The following LIPA variants were observed in gnomAD, a reference collection of about 807,000 sequenced individuals.
The protein encoded by LIPA is lysosomal acid lipase/cholesteryl ester hydrolase.
In LIPA, 26 loss-of-function variants were observed where a neutral mutation model predicts 40.6. That is an observed-to-expected ratio of 0.64 (90% CI 0.47 to 0.89). The LOEUF is 0.89. Among genes scored for constraint, LIPA ranks in the 40% least tolerant of loss-of-function variants. LIPA has a pLI of 0.00. For synonymous variants in LIPA, 188 were observed against 168.4 expected, an observed-to-expected ratio of 1.12 and a Z score of -0.90; for missense variants, 455 against 479.6, an observed-to-expected ratio of 0.95 and a Z score of 0.48.
rs376108562 is a variant in LIPA, at chr10:89,306,078, G to A, written c.-2+36533C>T. ...GATTTTGAAGACAAAGTATTTTACCGGACTGAGTTTCAGAATCGTGAATTC... is the reference window on the plus strand; with the variant it reads ...GATTTTGAAGACAAAGTATTTTACCAGACTGAGTTTCAGAATCGTGAATTC... On this transcript the variant is annotated intron_variant, in intron 1 of 5. Coordinates refer to the LIPA transcript ENST00000282673. 3.7e-5 allele frequency: 59 copies of A among 1,613,968 alleles called. No homozygotes were observed. The highest frequency in any genetic ancestry group is 1.3e-4 in the South Asian group (12 of 91,090).
At chr10:89,315,919 T>A (rs1843539056) in intron 1 of LIPA, among the ~76,000 whole-genome samples, 1 of 150,502 alleles carries the variant, frequency 6.6e-6, no homozygotes, top group South Asian at 2.1e-4. Context: ...AAAACTACTA[T>A]TTTTTTTTAT....
intron 3 of LIPA, among the ~76,000 whole-genome samples, chr10:89,238,529 T>G (rs1378793785): frequency 6.6e-6 from 1 of 152,140 alleles, no homozygotes; most frequent in African/African-American, 2.4e-5. Flanking sequence ...TTCATAAAGT[T>G]ACCCTGAATG....
chr10:89,258,474 A>C (rs1206856056), intron 1 of LIPA, among the ~76,000 whole-genome samples: 2 of 152,222 alleles, frequency 1.3e-5, no homozygotes, highest in East Asian at 3.8e-4. Context: ...TCTAAAAAAA[A>C]GACGTTTTAT....
intron 1 of LIPA, among the ~76,000 whole-genome samples, chr10:89,281,381 CTTG>C (rs1187508623): frequency 3.3e-5 from 5 of 152,156 alleles, no homozygotes; most frequent in African/African-American, 7.2e-5. Flanking sequence ...CAAATCCACA[CTTG>C]TTGTATTCAG....
chr10:89,352,045 C>A (rs1843962039), intron 2 of LIPA, among the ~76,000 whole-genome samples: 1 of 152,186 alleles, frequency 6.6e-6, no homozygotes, highest in Non-Finnish European at 1.5e-5. Context: ...AAGTCAGACA[C>A]ACCCCTTCCT....
At position 89,220,309 on chromosome 10, in the gene LIPA, A is replaced by C. The variant is rs7077817; in HGVS notation, c.894+2202T>G. The stretch of plus-strand genomic sequence containing the variant: ...CCTCCAGCCAGCTCAGTCACCCTCC[A>C]TCATCTCTGGGGGTGCAATAACTGA... On this transcript the variant is annotated intron_variant, in intron 8 of 9. Transcript: ENST00000336233. Among the ~76,000 whole-genome samples the C allele has an allele frequency of 3.9e-5, 6 of 152,008 alleles. No individual in the cohort carries two copies. In the South Asian group the frequency reaches 6.2e-4, roughly 16 times the overall value.
intron 5 of LIPA, among the ~76,000 whole-genome samples, chr10:89,226,473 A>C (rs925227458): frequency 6.6e-6 from 1 of 152,244 alleles, no homozygotes; most frequent in African/African-American, 2.4e-5. Flanking sequence ...TGCATTACTT[A>C]TATAATCAGC....
chr10:89,352,791 A>T (rs901646106), intron 2 of LIPA, among the ~76,000 whole-genome samples: 1 of 79,258 alleles, frequency 1.3e-5, no homozygotes, highest in African/African-American at 4.9e-5. Flanking sequence ...ACAAAGATAA[A>T]AAAAAAAAAA....
rs2133593731 is a variant in LIPA, at chr10:89,364,032, A to T, written c.61+48759T>A. ...TGAACCCTGTCTTTTGAGATGTTAA[A>T]TGTTATCATATCTAAATCTAAATAT... On this transcript the variant is annotated intron_variant, in intron 2 of 8. Coordinates refer to the LIPA transcript ENST00000371837. Among the ~76,000 whole-genome samples, 2 of 152,288 alleles carry T rather than the reference A, an allele frequency of 1.3e-5. 1 individual carries two copies. The highest frequency in any genetic ancestry group is 6.8e-3 in the Middle Eastern group (2 of 294).
At chr10:89,235,600 A>G (rs1842895405) in intron 3 of LIPA, among the ~76,000 whole-genome samples, 1 of 152,200 alleles carries the variant, frequency 6.6e-6, no homozygotes, top group South Asian at 2.1e-4. Context: ...TAGGTGGGGA[A>G]GTTCCTCCTG....
At chr10:89,279,345 GGA>G (rs2133497305) in intron 1 of LIPA, among the ~76,000 whole-genome samples, 2 of 152,306 alleles carry the variant, frequency 1.3e-5, no homozygotes, top group East Asian at 3.9e-4. Flanking sequence ...TTCTAGAAAA[GGA>G]GAGAGAGAAT....
At position 89,223,780 on chromosome 10, in the gene LIPA, C is replaced by A. The variant is rs1307950845; in HGVS notation, c.726G>T (p.Trp242Cys). The change falls in exon 7 of 10, where the codon TGG (tryptophan) becomes TGT (cysteine). Residue 242 changes from tryptophan to cysteine, a missense_variant. By Grantham distance (215) the Trp-to-Cys change is radical (BLOSUM62 -2). Transcript: ENST00000336233. The part of the protein sequence containing the change: ...EFLPQSAFLK[W>C]LGTHVCTHVI... The stretch of plus-strand genomic sequence containing the variant: ...CATGAGTGCAAACGTGGGTACCCAG[C>A]CACTTCAAAAACGCACTCTGGGGAA... The A allele has an allele frequency of 1.9e-6, 3 of 1,613,966 alleles. No homozygotes were observed. Among genetic ancestry groups the A allele is most frequent in the South Asian group, 2.2e-5 (2 of 91,076 alleles).
At chr10:89,228,068 T>C in intron 4 of LIPA, 132 bp downstream of exon 4, 1 of 764,740 alleles carries the variant, frequency 1.3e-6, no homozygotes, top group Non-Finnish European at 2.3e-6. Context: ...TTTAAAACCT[T>C]TCAAAAGACA....
At chr10:89,280,793 C>T (rs1843310707) in intron 1 of LIPA, among the ~76,000 whole-genome samples, 1 of 152,200 alleles carries the variant, frequency 6.6e-6, no homozygotes. Context: ...TCTGACTAAG[C>T]TGCTCCAGTG....
intron 1 of LIPA, among the ~76,000 whole-genome samples, chr10:89,261,128 C>CT (rs1182104107): frequency 6.6e-6 from 1 of 152,202 alleles, no homozygotes; most frequent in African/African-American, 2.4e-5. Context: ...ACAGAAATGA[C>CT]TAAGTCCAAG....
chr10:89,362,120 T>C (rs1438474283), intron 2 of LIPA, among the ~76,000 whole-genome samples: 1 of 151,982 alleles, frequency 6.6e-6, no homozygotes, highest in South Asian at 2.1e-4. Context: ...CCCAGGCAGA[T>C]CTTGAACTCC....
Position 89,377,954 on chromosome 10 carries a change from C to T in LIPA, c.61+34837G>A, listed in dbSNP as rs1211802775. ...TCAAAGCAGAGACAGCCCTATTCCT[C>T]TGTATCATTTTCACCCTGCCAATTC... On this transcript the variant is annotated intron_variant, in intron 2 of 8. Transcript: ENST00000371837. 7 of 590,136 alleles carry T rather than the reference C, an allele frequency of 1.2e-5. No homozygotes were observed. In the East Asian group the frequency reaches 1.7e-4, roughly 15 times the overall value. The allele number at this position is 590,136 out of a possible 1,614,324, so 36.6% of individuals were successfully genotyped here.
At chr10:89,276,339 G>A (rs150011384) in intron 1 of LIPA, among the ~76,000 whole-genome samples, 10 of 152,302 alleles carry the variant, frequency 6.6e-5, no homozygotes, top group African/African-American at 2.4e-4. Flanking sequence ...CTGTTATTTT[G>A]TTATACCAGC....
At chr10:89,332,432 C>G (rs12255504) in intron 1 of LIPA, 308,338 of 1,371,944 alleles carry the variant, frequency 0.22, 35,867 homozygotes, top group African/African-American at 0.28. Context: ...CTCACAGATT[C>G]TGTTTCAGTT....
Sources: allele counts gnomAD v4.1 joint callset (sites outside exome capture counted in the v4.1 genomes callset), GRCh38; gene constraint gnomAD v4.1.1; transcripts MANE v1.5; gene names NCBI Gene and HGNC (gene_info 2026-07-23, HGNC 2026-07-21).